The following WDR72 variants were observed in gnomAD, a reference collection of about 807,000 sequenced individuals.
The protein encoded by WDR72 is WD repeat-containing protein 72.
In WDR72, 120 loss-of-function variants were observed where a neutral mutation model predicts 124.2. The ratio of observed to expected loss-of-function variants is 0.97; its 90% CI spans 0.83 to 1.12. WDR72 has a LOEUF of 1.12. WDR72 is among the 50% of genes most tolerant of loss of function. The pLI, the probability that WDR72 is intolerant of heterozygous loss-of-function variation, is 0.00. For synonymous variants in WDR72, 452 were observed against 441.7 expected (o/e 1.02, Z -0.29); for missense variants, 1,387 against 1,278.8 (o/e 1.08, Z -1.29).
intron 14 of WDR72, among the ~76,000 whole-genome samples, chr15:53,630,251 T>A (rs1445222430): frequency 4.6e-5 from 7 of 152,216 alleles, no homozygotes; most frequent in Non-Finnish European, 1.0e-4. Flanking sequence ...CAGGTCCAGA[T>A]GACTCCACTG....
At chr15:53,587,651 T>C (rs1011375975) in intron 18 of WDR72, among the ~76,000 whole-genome samples, 4 of 152,022 alleles carry the variant, frequency 2.6e-5, no homozygotes, top group African/African-American at 9.7e-5. Flanking sequence ...AGCACTGAGA[T>C]CCACTACGAT....
intron 14 of WDR72, among the ~76,000 whole-genome samples, chr15:53,618,984 T>G (rs981043739): frequency 1.3e-5 from 2 of 152,038 alleles, no homozygotes; most frequent in African/African-American, 4.8e-5. Flanking sequence ...GCCAGTTGTC[T>G]TCTCACCTGT....
At chr15:53,636,081 C>A (rs752551846) in intron 14 of WDR72, among the ~76,000 whole-genome samples, 7 of 152,086 alleles carry the variant, frequency 4.6e-5, no homozygotes, top group African/African-American at 7.2e-5. Flanking sequence ...ACTGATGCTG[C>A]TTGGTTTTAT....
At chr15:53,550,761 C>T (rs1013102459) in intron 18 of WDR72, among the ~76,000 whole-genome samples, 3 of 152,110 alleles carry the variant, frequency 2.0e-5, no homozygotes, top group East Asian at 3.9e-4. Context: ...ATGACAGCAT[C>T]ATTAATTCAA....
At chr15:53,685,396 G>C (rs1447722601) in intron 13 of WDR72, among the ~76,000 whole-genome samples, 1 of 128,870 alleles carries the variant, frequency 7.8e-6, no homozygotes, top group Non-Finnish European at 1.6e-5. Context: ...ACCAAGGCTC[G>C]AGAACTACGT....
Position 53,536,099 on chromosome 15 carries a change from G to T in WDR72, c.3149-12777C>A, listed in dbSNP as rs28716337. On this transcript the variant is annotated intron_variant, in intron 18 of 19. Transcript: ENST00000360509. ...TCAAGAGGCACAGCTGGGACTTGGT[G>T]GCTTGCTTGACTGGTCAGAGCAGCT... Among the ~76,000 whole-genome samples, 1,114 of 152,238 alleles carry T rather than the reference G, an allele frequency of 7.3e-3. 16 individuals are homozygous for T. Among genetic ancestry groups the T allele is most frequent in the African/African-American group, 0.026 (1,085 of 41,546 alleles).
chr15:53,645,669 C>T (rs1432197710), intron 14 of WDR72, among the ~76,000 whole-genome samples: 21 of 151,976 alleles, frequency 1.4e-4, no homozygotes, highest in Admixed American at 1.4e-3. Flanking sequence ...TTTTTATTTG[C>T]CTTAAGCATG....
At chr15:53,638,574 CA>C (rs1403145808) in intron 14 of WDR72, among the ~76,000 whole-genome samples, 2 of 140,052 alleles carry the variant, frequency 1.4e-5, no homozygotes, top group Admixed American at 7.4e-5. Context: ...TTCTCCTAAT[CA>C]CATTCTTTTT....
chr15:53,571,542 C>T, intron 18 of WDR72, among the ~76,000 whole-genome samples: 1 of 152,170 alleles, frequency 6.6e-6, no homozygotes. Context: ...GTTGCAAATA[C>T]TAGGATTTCC....
chr15:53,594,149 C>G (rs1482741697), intron 18 of WDR72, among the ~76,000 whole-genome samples: 2 of 151,758 alleles, frequency 1.3e-5, no homozygotes, highest in African/African-American at 4.8e-5. Context: ...TATTATTTTT[C>G]CTTGTGACAT....
At chr15:53,571,055 C>T (rs1894508240) in intron 18 of WDR72, among the ~76,000 whole-genome samples, 1 of 152,056 alleles carries the variant, frequency 6.6e-6, no homozygotes. Flanking sequence ...AAGCCAAATA[C>T]TGCATGTTCT....
chr15:53,685,765 T>C (rs1009038803), intron 13 of WDR72, among the ~76,000 whole-genome samples: 7 of 150,136 alleles, frequency 4.7e-5, no homozygotes, highest in Admixed American at 1.3e-4. Flanking sequence ...ATTGTCAGAT[T>C]CACCAAAGTT....
rs34671677 is a variant in WDR72, at chr15:53,713,192, G to GAA, written c.592-303_592-302dup. Among the ~76,000 whole-genome samples the GAA allele has an allele frequency of 1.1e-3, 152 of 133,730 alleles. 1 individual carries two copies. Among genetic ancestry groups the GAA allele is most frequent in the South Asian group, 8.0e-3 (35 of 4,402 alleles). 87.7% of individuals were successfully genotyped at this position (133,730 alleles called of 152,430 possible). On this transcript the variant is annotated intron_variant, in intron 6 of 19. Coordinates refer to ENST00000360509, the MANE Select transcript of WDR72 (RefSeq NM_182758.4). ...TTAAAAAATATAGGATGTATTTCTT[G>GAA]AAAAAAAAAAAAAGCTGTGATCAGG... is the stretch of plus-strand genomic sequence containing the variant.
chr15:53,594,130 C>T (rs1198180951), intron 18 of WDR72, among the ~76,000 whole-genome samples: 1 of 151,818 alleles, frequency 6.6e-6, no homozygotes, highest in Non-Finnish European at 1.5e-5. Flanking sequence ...ATATTAAAAA[C>T]TCAATAATTA....
intron 11 of WDR72, among the ~76,000 whole-genome samples, chr15:53,704,638 G>T (rs1375851184): frequency 6.7e-6 from 1 of 149,898 alleles, no homozygotes; most frequent in Non-Finnish European, 1.5e-5. Context: ...CCATTCTCCT[G>T]CCTCAGCCTC....
chr15:53,632,639 A>C (rs888797854), intron 14 of WDR72, among the ~76,000 whole-genome samples: 1 of 152,230 alleles, frequency 6.6e-6, no homozygotes. Flanking sequence ...AGCCCATGAG[A>C]GCAGCTGTGG....
intron 6 of WDR72, among the ~76,000 whole-genome samples, chr15:53,713,597 C>T (rs2017617047): frequency 6.6e-6 from 1 of 151,600 alleles, no homozygotes; most frequent in African/African-American, 2.4e-5. Context: ...ATTACAGGTG[C>T]ACTCCACCAC....
intron 18 of WDR72, among the ~76,000 whole-genome samples, chr15:53,550,545 C>A (rs1283630428): frequency 6.6e-6 from 1 of 152,142 alleles, no homozygotes; most frequent in Non-Finnish European, 1.5e-5. Context: ...ATTTATTATG[C>A]ATTAAACAAA....
chr15:53,544,834 A>G (rs1390016598), intron 18 of WDR72, among the ~76,000 whole-genome samples: 6 of 152,018 alleles, frequency 3.9e-5, no homozygotes, highest in African/African-American at 7.3e-5. Flanking sequence ...CAAAATCAAC[A>G]TACAAAAATC....
Sources: allele counts gnomAD v4.1 joint callset (sites outside exome capture counted in the v4.1 genomes callset), GRCh38; gene constraint gnomAD v4.1.1; transcripts MANE v1.5; gene names NCBI Gene and HGNC (gene_info 2026-07-23, HGNC 2026-07-21).